The following ACSL3 variants were observed in gnomAD, a reference collection of about 807,000 sequenced individuals.
ACSL3 encodes acyl-CoA synthetase long chain family member 3.
In ACSL3, 34 loss-of-function variants were observed where a neutral mutation model predicts 84.7. The observed-to-expected ratio is 0.40, with a 90% CI of 0.31 to 0.53. ACSL3 has a LOEUF of 0.53. Ranked by LOEUF, ACSL3 falls within the 20% of genes least tolerant of loss-of-function variation. ACSL3 has a pLI of 0.48. For missense variants in ACSL3, 680 were observed against 873.1 expected (o/e 0.78, Z 2.79); for synonymous variants, 315 against 299.4 (o/e 1.05, Z -0.54).
chr2:222,918,653 A>G (rs1194353733), intron 6 of ACSL3, among the ~76,000 whole-genome samples: 1 of 148,676 alleles, frequency 6.7e-6, no homozygotes, highest in Non-Finnish European at 1.5e-5. Flanking sequence ...GAAAATTCAC[A>G]TGTAAACTTG....
chr2:222,922,576 C>A, intron 8 of ACSL3, 132 bp from the exon 9 acceptor site: 1 of 1,086,940 alleles, frequency 9.2e-7, no homozygotes, highest in Non-Finnish European at 1.3e-6. Context: ...CTCTCACAAA[C>A]ACATACACAC....
chr2:222,895,020 A>T (rs115685509), intron 2 of ACSL3, among the ~76,000 whole-genome samples: 1 of 152,044 alleles, frequency 6.6e-6, no homozygotes, highest in Non-Finnish European at 1.5e-5. Context: ...AAATCTGTAA[A>T]TATGTCTTCC....
Position 222,923,066 on chromosome 2 carries a change from C to G in ACSL3, c.1081-12C>G. 2.5e-6 allele frequency: 4 copies of G among 1,604,298 alleles called. No homozygotes were observed. The highest frequency in any genetic ancestry group is 3.3e-4 in the Middle Eastern group (2 of 6,042). ...GATCACTTTATATGGATCACTTTTT[C>G]TTATTTTGTAGTCTTCAAAAATTAA... On this transcript the variant is annotated splice_polypyrimidine_tract_variant and intron_variant, in intron 9 of 16. Coordinates refer to ENST00000357430, the MANE Select transcript of ACSL3 (RefSeq NM_004457.5).
intron 16 of ACSL3, among the ~76,000 whole-genome samples, chr2:222,940,721 A>T (rs540114205): frequency 3.7e-4 from 57 of 152,336 alleles, no homozygotes; most frequent in South Asian, 1.9e-3. Flanking sequence ...CGTAGGCTAG[A>T]TAATGCAGCC....
chr2:222,869,467 A>G lies in ACSL3; in HGVS notation c.-207+8209A>G, dbSNP rs146913454. ...TAGTTTTTTGGTAAATGGTAACAAG[A>G]CATTCTGAACCAGTGTGTGAGTGAA... On this transcript the variant is annotated intron_variant, in intron 1 of 16. Coordinates refer to ENST00000357430, the MANE Select transcript of ACSL3 (RefSeq NM_004457.5). 7.4e-3 allele frequency among the ~76,000 whole-genome samples: 1,128 copies of G among 152,252 alleles called. 21 individuals are homozygous for G. The highest frequency in any genetic ancestry group is 0.025 in the African/African-American group (1,051 of 41,544).
chr2:222,882,657 G>A (rs1695618057), intron 1 of ACSL3, among the ~76,000 whole-genome samples: 1 of 151,788 alleles, frequency 6.6e-6, no homozygotes, highest in Non-Finnish European at 1.5e-5. Context: ...CTCACCTGCT[G>A]TTGCCTACCT....
chr2:222,861,953 A>T (rs554689849), intron 1 of ACSL3, among the ~76,000 whole-genome samples: 5 of 152,124 alleles, frequency 3.3e-5, no homozygotes, highest in Non-Finnish European at 7.4e-5. Context: ...CGTTTCACAG[A>T]TGAGGAGCCC....
At chr2:222,935,552 T>A (rs529733290) in intron 16 of ACSL3, among the ~76,000 whole-genome samples, 65 of 152,312 alleles carry the variant, frequency 4.3e-4, no homozygotes, top group African/African-American at 1.5e-3. Context: ...TAATGTCAGA[T>A]TCCACACAGT....
At chr2:222,885,811 C>T (rs538958246) in intron 1 of ACSL3, among the ~76,000 whole-genome samples, 5 of 151,934 alleles carry the variant, frequency 3.3e-5, no homozygotes, top group Non-Finnish European at 7.4e-5. Flanking sequence ...GGCATGATCT[C>T]GGCTTAACGC....
intron 1 of ACSL3, among the ~76,000 whole-genome samples, chr2:222,877,392 G>A (rs1695475929): frequency 6.6e-6 from 1 of 152,144 alleles, no homozygotes; most frequent in African/African-American, 2.4e-5. Flanking sequence ...GTTCCATGAG[G>A]GCAGGATCAG....
chr2:222,869,136 GGT>G (rs1471006997), intron 1 of ACSL3, among the ~76,000 whole-genome samples: 1 of 152,070 alleles, frequency 6.6e-6, no homozygotes, highest in Non-Finnish European at 1.5e-5. Flanking sequence ...TGATTCAGAT[GGT>G]GTTTCTAAGT....
intron 1 of ACSL3, among the ~76,000 whole-genome samples, chr2:222,882,430 A>C (rs908128384): frequency 1.3e-5 from 2 of 152,148 alleles, no homozygotes; most frequent in African/African-American, 4.8e-5. Context: ...CTAGGGACCC[A>C]GTTTCGTGGA....
At position 222,902,769 on chromosome 2, in the gene ACSL3, G is replaced by T. The variant is rs368016669; in HGVS notation, c.-41+1989G>T. Among the ~76,000 whole-genome samples the T allele has an allele frequency of 4.5e-4, 68 of 152,358 alleles. 1 individual carries two copies. The highest frequency in any genetic ancestry group is 6.8e-3 in the Middle Eastern group (2 of 294). On this transcript the variant is annotated intron_variant, in intron 3 of 16. Coordinates refer to ENST00000357430, the MANE Select transcript of ACSL3 (RefSeq NM_004457.5). Reference sequence around the variant, plus strand: ...GGCCACCACACAGGAGCTGAAGAGTGCAGACTTCTCCTCTGCATGAGGCAC... The same window carrying T: ...GGCCACCACACAGGAGCTGAAGAGTTCAGACTTCTCCTCTGCATGAGGCAC...
At chr2:222,899,588 C>T (rs1300654966) in intron 2 of ACSL3, among the ~76,000 whole-genome samples, 1 of 152,030 alleles carries the variant, frequency 6.6e-6, no homozygotes, top group Non-Finnish European at 1.5e-5. Context: ...GAATTCAGGG[C>T]GAGTCCATAG....
At chr2:222,937,828 C>T (rs1266045344) in intron 16 of ACSL3, among the ~76,000 whole-genome samples, 1 of 151,980 alleles carries the variant, frequency 6.6e-6, no homozygotes, top group African/African-American at 2.4e-5. Flanking sequence ...ATACCTATTT[C>T]CATTTTGTTA....
chr2:222,914,082 T>C (rs558472093), intron 4 of ACSL3, among the ~76,000 whole-genome samples: 1 of 152,328 alleles, frequency 6.6e-6, no homozygotes, highest in Non-Finnish European at 1.5e-5. Context: ...AAGCCAGGTG[T>C]ACTTTACTGA....
chr2:222,875,043 G>T (rs1695409471), intron 1 of ACSL3, among the ~76,000 whole-genome samples: 1 of 152,126 alleles, frequency 6.6e-6, no homozygotes, highest in African/African-American at 2.4e-5. Flanking sequence ...AGGAATAATT[G>T]TAAAAATTTA....
At chr2:222,903,529 C>T (rs1270410527) in intron 3 of ACSL3, among the ~76,000 whole-genome samples, 1 of 152,080 alleles carries the variant, frequency 6.6e-6, no homozygotes, top group African/African-American at 2.4e-5. Flanking sequence ...TCTTTTGATA[C>T]TATATAAATA....
chr2:222,929,402 G>T (rs1268259954), intron 13 of ACSL3, among the ~76,000 whole-genome samples: 1 of 151,898 alleles, frequency 6.6e-6, no homozygotes, highest in African/African-American at 2.4e-5. Context: ...TAAAATAATG[G>T]TCACTTAAAA....
Sources: allele counts gnomAD v4.1 joint callset (sites outside exome capture counted in the v4.1 genomes callset), GRCh38; gene constraint gnomAD v4.1.1; transcripts MANE v1.5; gene names NCBI Gene and HGNC (gene_info 2026-07-23, HGNC 2026-07-21).